Variants in ITGB3BP observed in about 807,000 individuals in gnomAD.
ITGB3BP encodes the protein integrin subunit beta 3 binding protein.
In ITGB3BP, 27 loss-of-function variants were observed where a neutral mutation model predicts 29.1. That is an observed-to-expected ratio of 0.93 (90% CI 0.68 to 1.28). ITGB3BP has a LOEUF of 1.28. Among genes scored for constraint, ITGB3BP ranks in the 50% most tolerant of loss-of-function variants. The pLI, the probability that ITGB3BP is intolerant of heterozygous loss-of-function variation, is 0.00. For synonymous variants in ITGB3BP, 61 were observed against 61.4 expected, an observed-to-expected ratio of 0.99 and a Z score of 0.03; for missense variants, 192 against 200.2, an observed-to-expected ratio of 0.96 and a Z score of 0.25.
chr1:63,525,470 G>A (rs1054969270), upstream of ITGB3BP: 30 of 942,890 alleles, frequency 3.2e-5, no homozygotes, highest in South Asian at 2.0e-4. Flanking sequence ...TTTCTTCTAT[G>A]TATAAAATCT....
At chr1:63,521,994 G>A (rs1025347340) in intron 1 of ITGB3BP, among the ~76,000 whole-genome samples, 2 of 152,250 alleles carry the variant, frequency 1.3e-5, no homozygotes, top group African/African-American at 4.8e-5. Flanking sequence ...TGCAAGAGTA[G>A]GGAAACAAGT....
intron 2 of ITGB3BP, among the ~76,000 whole-genome samples, chr1:63,493,090 G>A (rs58374560): frequency 0.79 from 111,149 of 141,170 alleles, 42,766 homozygotes; most frequent in Non-Finnish European, 0.85. Flanking sequence ...ACACACACAC[G>A]CGCGCGCGCG....
intron 4 of ITGB3BP, among the ~76,000 whole-genome samples, chr1:63,462,596 T>A (rs932985657): frequency 6.6e-6 from 1 of 152,236 alleles, no homozygotes; most frequent in East Asian, 1.9e-4. Context: ...TTTTAAACAG[T>A]TGAAAATAAT....
At chr1:63,463,050 TCAAGACCACCCTGGC>T (rs1379394794) in intron 4 of ITGB3BP, among the ~76,000 whole-genome samples, 2 of 151,922 alleles carry the variant, frequency 1.3e-5, no homozygotes, top group Non-Finnish European at 2.9e-5. Context: ...GGTCAGGAGT[TCAAGACCACCCTGGC>T]CAACATGGTG....
intron 1 of ITGB3BP, among the ~76,000 whole-genome samples, chr1:63,513,457 A>C (rs1259178575): frequency 1.3e-5 from 2 of 149,790 alleles, no homozygotes; most frequent in Non-Finnish European, 2.9e-5. Context: ...ATACACAAAA[A>C]GTTTTCTCTG....
rs1161653467 is a variant in ITGB3BP at position 63,473,616 on chromosome 1, G to T, written c.254+5148C>A. On this transcript the variant is annotated intron_variant, in intron 4 of 8. Transcript: ENST00000271002. ...GGCCAGCCGCCCCGTCCGGGAGGGA[G>T]GTGGGGGGGTCAGCCCCCCGCCCGG... Among the ~76,000 whole-genome samples, 21 of 135,732 alleles carry T rather than the reference G, an allele frequency of 1.5e-4. 1 individual carries two copies. Among genetic ancestry groups the T allele is most frequent in the Non-Finnish European group, 2.5e-4 (15 of 60,910 alleles). The allele number at this position is 135,732 out of a possible 152,430, so 89.0% of individuals were successfully genotyped here.
chr1:63,520,936 T>C (rs1646431180), intron 1 of ITGB3BP, among the ~76,000 whole-genome samples: 1 of 152,228 alleles, frequency 6.6e-6, no homozygotes, highest in African/African-American at 2.4e-5. Context: ...AAATTGGTTA[T>C]TTCACTCATT....
At chr1:63,516,492 G>A (rs565249268) in intron 1 of ITGB3BP, among the ~76,000 whole-genome samples, 1 of 151,848 alleles carries the variant, frequency 6.6e-6, no homozygotes, top group East Asian at 1.9e-4. Flanking sequence ...AGGAGGCTAA[G>A]GCATGAGGAT....
upstream of ITGB3BP, among the ~76,000 whole-genome samples, chr1:63,524,046 T>C (rs758960923): frequency 1.4e-4 from 21 of 152,016 alleles, no homozygotes; most frequent in Non-Finnish European, 2.8e-4. Context: ...GGGGGTGCAA[T>C]TATATGTTTA....
intron 7 of ITGB3BP, among the ~76,000 whole-genome samples, chr1:63,452,916 T>C (rs1644882067): frequency 6.6e-6 from 1 of 152,104 alleles, no homozygotes; most frequent in Non-Finnish European, 1.5e-5. Flanking sequence ...ACATACCAGA[T>C]TGGGTGAAGC....
At chr1:63,523,232 C>G, upstream of ITGB3BP, 3 of 1,552,462 alleles carry the variant, frequency 1.9e-6, no homozygotes, top group South Asian at 1.1e-5. Context: ...GCATGAAAAG[C>G]GCGCGCTGGA....
Position 63,478,768 on chromosome 1 carries a change from C to A in ITGB3BP, c.250G>T (p.Asp84Tyr), listed in dbSNP as rs763422651. 7.0e-7 allele frequency: 1 copy of A among 1,435,604 alleles called. No homozygotes were observed. Among genetic ancestry groups the A allele is most frequent in the Admixed American group, 2.3e-5 (1 of 42,800 alleles). 88.9% of individuals were successfully genotyped at this position (1,435,604 alleles called of 1,614,324 possible). A position where few individuals can be genotyped will look rare whatever the true frequency, so the allele number is the denominator to read the frequency against. The change falls in exon 4 of 9, where the codon GAT becomes TAT. Residue 84 changes from aspartate (D) to tyrosine (Y), a missense_variant. Asp to Tyr is a radical substitution (Grantham distance 160). Transcript: ENST00000271002. ...TTTCAAAAATAACAAACTTACTCAT[C>A]ATTGTCTTTTGTTGTAGATTCTTTG... Reference protein sequence around the residue: ...ESKESTTKDNDEFMMLLSKVE... With the variant: ...ESKESTTKDNYEFMMLLSKVE...
chr1:63,505,056 C>T (rs1363408877), intron 2 of ITGB3BP, among the ~76,000 whole-genome samples: 2 of 152,154 alleles, frequency 1.3e-5, no homozygotes, highest in African/African-American at 2.4e-5. Flanking sequence ...CCCTCTTTTT[C>T]TATTGATTGG....
chr1:63,500,103 G>A (rs928864846), intron 2 of ITGB3BP, among the ~76,000 whole-genome samples: 1 of 152,220 alleles, frequency 6.6e-6, no homozygotes, highest in South Asian at 2.1e-4. Context: ...AGGGCGGGGG[G>A]GCTGTGACTC....
At position 63,514,937 on chromosome 1, in the gene ITGB3BP, T is replaced by A. The variant is rs10789142; in HGVS notation, c.6-6367A>T. Among the ~76,000 whole-genome samples, 14 of 118,784 alleles carry A rather than the reference T, an allele frequency of 1.2e-4. No individual in the cohort carries two copies. The East Asian group carries it at 1.8e-3, about 15-fold the overall frequency. The allele number at this position is 118,784 out of a possible 152,430, so 77.9% of individuals were successfully genotyped here. A position where few individuals can be genotyped will look rare whatever the true frequency, so the allele number is the denominator to read the frequency against. On this transcript the variant is annotated intron_variant, in intron 1 of 8. Transcript: ENST00000271002. The stretch of plus-strand genomic sequence containing the variant: ...CTCCAGCCTGGTGACAGAGCGAGAC[T>A]CTGTCTCAAAAAAAAAAAAAAAAAA...
At chr1:63,513,856 C>T (rs1432944493) in intron 1 of ITGB3BP, among the ~76,000 whole-genome samples, 3 of 152,128 alleles carry the variant, frequency 2.0e-5, no homozygotes, top group Non-Finnish European at 2.9e-5. Flanking sequence ...GAAAGCAAAT[C>T]TCTTACTCAA....
intron 4 of ITGB3BP, among the ~76,000 whole-genome samples, chr1:63,459,790 A>AT (rs1245431374): frequency 6.6e-6 from 1 of 152,164 alleles, no homozygotes; most frequent in Non-Finnish European, 1.5e-5. Context: ...CAACCATTAT[A>AT]TAATATTTCC....
intron 4 of ITGB3BP, among the ~76,000 whole-genome samples, chr1:63,459,892 G>A (rs1375605722): frequency 6.6e-6 from 1 of 151,942 alleles, no homozygotes; most frequent in Admixed American, 6.6e-5. Flanking sequence ...ACTACTAACA[G>A]AGAAGGTCAG....
chr1:63,523,683 C>G (rs1206186409), upstream of ITGB3BP: 6 of 167,302 alleles, frequency 3.6e-5, no homozygotes, highest in Non-Finnish European at 7.9e-5. Context: ...CTGTCCCTCT[C>G]TGTGCAGCTG....
Sources: allele counts gnomAD v4.1 joint callset (sites outside exome capture counted in the v4.1 genomes callset), GRCh38; gene constraint gnomAD v4.1.1; transcripts MANE v1.5; gene names NCBI Gene and HGNC (gene_info 2026-07-23, HGNC 2026-07-21).